The following ZBTB44 variants were observed in gnomAD, a reference collection of about 807,000 sequenced individuals.
The protein encoded by ZBTB44 is zinc finger and BTB domain-containing protein 44.
In ZBTB44, 15 loss-of-function variants were observed where a neutral mutation model predicts 54.0. The observed-to-expected ratio is 0.28, with a 90% CI of 0.19 to 0.43. The LOEUF (loss-of-function observed/expected upper bound fraction) is 0.43, where lower values mean the gene tolerates loss of function less well. ZBTB44 is among the 20% of genes least tolerant of loss of function. ZBTB44 has a pLI of 1.00. For synonymous variants in ZBTB44, 230 were observed against 250.1 expected (o/e 0.92, Z 0.76); for missense variants, 487 against 707.1 (o/e 0.69, Z 3.53).
intron 6 of ZBTB44, chr11:130,233,859 A>T (rs1953990160): frequency 8.4e-7 from 1 of 1,184,166 alleles, no homozygotes; most frequent in Non-Finnish European, 1.1e-6. Context: ...GAAAGTAAAA[A>T]GGGAAATTCT....
chr11:130,294,041 T>C (rs755467716), intron 1 of ZBTB44, among the ~76,000 whole-genome samples: 1 of 152,154 alleles, frequency 6.6e-6, no homozygotes, highest in Non-Finnish European at 1.5e-5. Flanking sequence ...GATAAATTAA[T>C]GTACATTGAA....
chr11:130,276,570 G>A (rs1049417483), intron 1 of ZBTB44, among the ~76,000 whole-genome samples: 4 of 151,944 alleles, frequency 2.6e-5, no homozygotes, highest in East Asian at 1.9e-4. Context: ...GAGTAGCTGG[G>A]ATTATAGGAG....
At position 130,261,661 on chromosome 11, in the gene ZBTB44, C is replaced by A; in HGVS notation, c.213G>T (p.Val71=). 1 of 1,614,026 alleles carries A rather than the reference C, an allele frequency of 6.2e-7. No homozygotes were observed. The highest frequency in any genetic ancestry group is 1.1e-5 in the South Asian group (1 of 91,088). The part of the protein sequence containing the change: ...VGQAEDENKN[V]LDLHHVTVTG... Reference sequence around the variant, plus strand: ...TCACTGTAACATGATGCAGATCCAACACATTCTTGTTCTCATCCTCGGCTT... The same window carrying A: ...TCACTGTAACATGATGCAGATCCAAAACATTCTTGTTCTCATCCTCGGCTT... Residue 71 remains valine (V), a synonymous_variant, in exon 2 of 8, where the codon GTG becomes GTT. Coordinates refer to ENST00000357899, the MANE Select transcript of ZBTB44 (RefSeq NM_001301098.2). This position sits in a 1 kb window ranked among gnomAD's most constrained non-coding sequence, Gnocchi z 4.8.
chr11:130,249,207 A>T (rs1018059484), intron 2 of ZBTB44, among the ~76,000 whole-genome samples: 4 of 152,256 alleles, frequency 2.6e-5, no homozygotes, highest in African/African-American at 9.6e-5. Context: ...TATCTTAGAT[A>T]TTTAGACAGA....
At chr11:130,264,958 TTATTA>T (rs1340804644) in intron 1 of ZBTB44, among the ~76,000 whole-genome samples, 1 of 152,208 alleles carries the variant, frequency 6.6e-6, no homozygotes, top group Non-Finnish European at 1.5e-5. Flanking sequence ...TTTTTCATTA[TTATTA>T]TATCTGTTAT....
chr11:130,234,426 T>C (rs1182196489), intron 5 of ZBTB44, among the ~76,000 whole-genome samples, 153 bp from the exon 6 acceptor site: 1 of 152,184 alleles, frequency 6.6e-6, no homozygotes, highest in East Asian at 1.9e-4. Context: ...TTTCAACTTA[T>C]AAACTTTCCT....
chr11:130,271,729 T>C (rs543036052), intron 1 of ZBTB44, among the ~76,000 whole-genome samples: 5 of 152,352 alleles, frequency 3.3e-5, no homozygotes, highest in Admixed American at 2.0e-4. Context: ...TACAGGTTAA[T>C]GGACACGAGT....
At chr11:130,298,049 T>A (rs1201374612) in intron 1 of ZBTB44, among the ~76,000 whole-genome samples, 1 of 152,204 alleles carries the variant, frequency 6.6e-6, no homozygotes, top group Non-Finnish European at 1.5e-5. Context: ...TAAGACAAAG[T>A]ATTATCAAAG....
chr11:130,307,573 C>G (rs188490649), intron 1 of ZBTB44, among the ~76,000 whole-genome samples: 3 of 152,100 alleles, frequency 2.0e-5, no homozygotes, highest in African/African-American at 7.2e-5. Flanking sequence ...ACTCCCGCAC[C>G]TATGAGAAAG....
chr11:130,232,552 T>C (rs757395194), intron 7 of ZBTB44: 2 of 152,144 alleles, frequency 1.3e-5, no homozygotes, highest in Non-Finnish European at 2.9e-5. Context: ...TTCTCCCAGA[T>C]TTATGAGTCA....
chr11:130,305,908 G>A (rs560271322), intron 1 of ZBTB44, among the ~76,000 whole-genome samples: 4 of 150,990 alleles, frequency 2.6e-5, no homozygotes, highest in East Asian at 1.9e-4. Flanking sequence ...AAAAACAAAC[G>A]AACAAACAAA....
intron 1 of ZBTB44, among the ~76,000 whole-genome samples, chr11:130,300,780 T>C (rs1163631340): frequency 6.6e-6 from 1 of 152,022 alleles, no homozygotes; most frequent in African/African-American, 2.4e-5. Context: ...AAAGTAGAAT[T>C]AGAAGCAAGA....
chr11:130,255,256 C>A (rs1262420444), intron 2 of ZBTB44, among the ~76,000 whole-genome samples: 2 of 152,018 alleles, frequency 1.3e-5, no homozygotes, highest in African/African-American at 4.8e-5. Flanking sequence ...GAAACTCATT[C>A]AAAACTGCAC....
At chr11:130,311,030 A>G (rs1255025851) in intron 1 of ZBTB44, among the ~76,000 whole-genome samples, 1 of 152,234 alleles carries the variant, frequency 6.6e-6, no homozygotes, top group Non-Finnish European at 1.5e-5. Flanking sequence ...ATAACCAGAG[A>G]AAAGTATTTC....
intron 2 of ZBTB44, among the ~76,000 whole-genome samples, chr11:130,256,150 T>C (rs1025580593): frequency 2.6e-5 from 4 of 151,864 alleles, no homozygotes; most frequent in Admixed American, 6.6e-5. Flanking sequence ...AAAAAGAAAA[T>C]ACCAGGCCAA....
intron 1 of ZBTB44, among the ~76,000 whole-genome samples, chr11:130,298,345 T>C (rs1450000752): frequency 6.6e-6 from 1 of 151,986 alleles, no homozygotes; most frequent in Non-Finnish European, 1.5e-5. Flanking sequence ...GGTTTCATTA[T>C]GTTGCCCAGG....
chr11:130,260,807 T>G (rs758979835), intron 2 of ZBTB44, 49 bp downstream of exon 2: 2 of 1,521,774 alleles, frequency 1.3e-6, no homozygotes, highest in African/African-American at 1.4e-5. Flanking sequence ...AACTTAAAAA[T>G]GTTTGAATTG....
At chr11:130,266,708 A>T (rs574712531) in intron 1 of ZBTB44, among the ~76,000 whole-genome samples, 2 of 152,224 alleles carry the variant, frequency 1.3e-5, no homozygotes, top group African/African-American at 4.8e-5. Flanking sequence ...GTAACTACAG[A>T]TGAGTTGGAA....
intron 1 of ZBTB44, among the ~76,000 whole-genome samples, chr11:130,284,386 C>G (rs1940777290): frequency 6.6e-6 from 1 of 152,206 alleles, no homozygotes; most frequent in African/African-American, 2.4e-5. Flanking sequence ...ATAATTACCA[C>G]AACTGTTCAT....
Sources: gnomAD v4.1 joint callset for allele counts (sites outside exome capture counted in the v4.1 genomes callset) on GRCh38, gnomAD v4.1.1 for gene constraint, Gnocchi (gnomAD v3.1) non-coding constraint, MANE v1.5 for transcripts, NCBI Gene and HGNC (gene_info 2026-07-23, HGNC 2026-07-21) for gene names.